The following MTM1 variants were observed in gnomAD, a reference collection of about 807,000 sequenced individuals.
MTM1 encodes the protein myotubularin 1, also known as myotubularin.
In MTM1, 9 loss-of-function variants were observed where a neutral mutation model predicts 52.1. The ratio of observed to expected loss-of-function variants is 0.17; its 90% CI spans 0.10 to 0.30. The LOEUF is 0.30. Among genes scored for constraint, MTM1 ranks in the 10% least tolerant of loss-of-function variants. The probability of loss-of-function intolerance (pLI) is 1.00; values close to 1 mark genes in which losing one functional copy is unlikely to be tolerated. For synonymous variants in MTM1, 136 were observed against 163.8 expected (o/e 0.83, Z 1.29); for missense variants, 277 against 470.7 (o/e 0.59, Z 3.81).
intron 9 of MTM1, among the ~76,000 whole-genome samples, chrX:150,649,398 G>A (rs1308917947): frequency 4.4e-5 from 5 of 112,612 alleles, no homozygotes; most frequent in African/African-American, 1.3e-4. Flanking sequence ...AATGGAGAAC[G>A]AGGACCTTTC....
At chrX:150,594,159 G>T (rs969624783) in intron 2 of MTM1, among the ~76,000 whole-genome samples, 8 of 107,874 alleles carry the variant, frequency 7.4e-5, no homozygotes, top group African/African-American at 2.4e-4. Flanking sequence ...CCTCAGGCTG[G>T]AGTGCAGTGG....
chrX:150,588,189 A>T (rs1055804998), intron 1 of MTM1, among the ~76,000 whole-genome samples: 1 of 112,383 alleles, frequency 8.9e-6, no homozygotes, highest in Non-Finnish European at 1.9e-5. Flanking sequence ...GTATGTTTCC[A>T]TAAGCAGCAT....
intron 7 of MTM1, among the ~76,000 whole-genome samples, chrX:150,639,705 A>G (rs1307010573): frequency 8.9e-6 from 1 of 112,460 alleles, no homozygotes; most frequent in African/African-American, 3.2e-5. Flanking sequence ...GTATAACCAA[A>G]TCTGTAGGCA....
At chrX:150,636,247 CA>C (rs1165302341) in intron 6 of MTM1, among the ~76,000 whole-genome samples, 1 of 109,179 alleles carries the variant, frequency 9.2e-6, no homozygotes, top group African/African-American at 3.3e-5. Context: ...ATACTAATGA[CA>C]AAAAAAAATT....
At chrX:150,606,856 C>T (rs781810200) in intron 4 of MTM1, among the ~76,000 whole-genome samples, 13 of 98,437 alleles carry the variant, frequency 1.3e-4, no homozygotes, top group South Asian at 5.4e-4. Flanking sequence ...CCCTCCCTTC[C>T]CTCTCTTCCC....
chrX:150,613,331 A>T (rs1299967441), intron 4 of MTM1, among the ~76,000 whole-genome samples: 5 of 111,749 alleles, frequency 4.5e-5, no homozygotes, highest in Non-Finnish European at 9.4e-5. Context: ...TAGATATTTC[A>T]TGTTATTGTA....
At chrX:150,566,524 G>A (rs782251553), upstream of MTM1, among the ~76,000 whole-genome samples, 3 of 111,421 alleles carry the variant, frequency 2.7e-5, no homozygotes, top group East Asian at 5.6e-4. Context: ...AGACAGGCAC[G>A]GCAGGGGTTA....
chrX:150,631,693 CAAATA>C (rs1335231073), intron 6 of MTM1, among the ~76,000 whole-genome samples: 1 of 64,660 alleles, frequency 1.5e-5, no homozygotes, highest in Non-Finnish European at 3.0e-5. Context: ...AAAAAAAAAA[CAAATA>C]AAATAAATTA....
At chrX:150,635,368 A>AT (rs1557413689) in intron 6 of MTM1, among the ~76,000 whole-genome samples, 4 of 112,411 alleles carry the variant, frequency 3.6e-5, no homozygotes, top group Non-Finnish European at 5.6e-5. Flanking sequence ...GAGTTCCCAA[A>AT]TTAAGGGTCA....
intron 10 of MTM1, among the ~76,000 whole-genome samples, chrX:150,656,496 A>G (rs1438768454): frequency 2.7e-5 from 3 of 111,981 alleles, no homozygotes; most frequent in Non-Finnish European, 5.6e-5. Context: ...CTGTGAGACA[A>G]TATATTTTTG....
At chrX:150,602,661 TG>T (rs1314399421) in intron 4 of MTM1, among the ~76,000 whole-genome samples, 2 of 112,008 alleles carry the variant, frequency 1.8e-5, no homozygotes, top group African/African-American at 6.5e-5. Context: ...AATTTGGCTT[TG>T]GGTTAATGTT....
rs1603124011 is a variant in MTM1 at position 150,596,502 on chromosome X, CTCGAGATGGAGTCAA to C, written c.76_90del (p.Gly26_Asp30del). On this transcript the variant is annotated inframe_deletion, in exon 3 of 15. Coordinates refer to ENST00000370396, the MANE Select transcript of MTM1 (RefSeq NM_000252.3). ...ATGCATCTGTTTTGTTTCTAGACGT[CTCGAGATGGAGTCAA>C]TCGAGATCTCACTGAGGCTGTTCCT... 2.5e-6 allele frequency: 3 copies of C among 1,207,693 alleles called. No individual in the cohort carries two copies. Among genetic ancestry groups the C allele is most frequent in the Non-Finnish European group, 3.4e-6 (3 of 893,072 alleles).
At chrX:150,570,233 T>TA (rs1256936869) in intron 1 of MTM1, among the ~76,000 whole-genome samples, 14 of 96,904 alleles carry the variant, frequency 1.4e-4, no homozygotes, top group Non-Finnish European at 2.4e-4. Flanking sequence ...AGGCACACAA[T>TA]AAAAAAATAA....
At chrX:150,573,608 A>G (rs191484191) in intron 1 of MTM1, among the ~76,000 whole-genome samples, 19 of 112,188 alleles carry the variant, frequency 1.7e-4, no homozygotes, top group African/African-American at 5.8e-4. Context: ...ATGGATTGCT[A>G]CATCAGTTAT....
intron 12 of MTM1, among the ~76,000 whole-genome samples, 190 bp from the exon 13 acceptor site, chrX:150,660,181 T>A (rs1306203292): frequency 8.9e-6 from 1 of 112,019 alleles, no homozygotes. Flanking sequence ...TATTTAACAC[T>A]TAAAGTGCTC....
intron 1 of MTM1, among the ~76,000 whole-genome samples, chrX:150,577,705 T>C (rs2038497457): frequency 9.1e-6 from 1 of 110,173 alleles, no homozygotes; most frequent in African/African-American, 3.2e-5. Context: ...TGCAAGCATG[T>C]TCTCTCAAAC....
rs182963890 is a variant in MTM1 at position 150,590,591 on chromosome X, G to T, written c.-10-2014G>T. Among the ~76,000 whole-genome samples, 207 of 111,580 alleles carry T rather than the reference G, an allele frequency of 1.9e-3. 1 individual carries two copies. Among genetic ancestry groups the T allele is most frequent in the Middle Eastern group, 9.2e-3 (2 of 217 alleles). ...ACACTTGAAAAGGGTGAACTGTATG[G>T]TATGTGAGTTGTAGTAAAACAGTTA... On this transcript the variant is annotated intron_variant, in intron 1 of 14. Transcript: ENST00000370396.
intron 2 of MTM1, among the ~76,000 whole-genome samples, chrX:150,595,850 A>G (rs1289529871): frequency 8.9e-6 from 1 of 112,598 alleles, no homozygotes; most frequent in Non-Finnish European, 1.9e-5. Context: ...AAAGCCAGGA[A>G]GCCTAGAGAA....
At chrX:150,588,438 A>C (rs782812195) in intron 1 of MTM1, among the ~76,000 whole-genome samples, 1 of 112,339 alleles carries the variant, frequency 8.9e-6, no homozygotes, top group East Asian at 2.8e-4. Flanking sequence ...AGAGATCAAA[A>C]TTATTTTCTA....
Sources: allele counts gnomAD v4.1 joint callset (sites outside exome capture counted in the v4.1 genomes callset), GRCh38; gene constraint gnomAD v4.1.1; transcripts MANE v1.5; gene names NCBI Gene and HGNC (gene_info 2026-07-23, HGNC 2026-07-21).